SLC2A8: variants seen among roughly 807,000 people sequenced by gnomAD.
SLC2A8 encodes solute carrier family 2 member 8.
Under a neutral mutation model 49.2 loss-of-function variants are expected in SLC2A8, and 53 were observed. That is an observed-to-expected ratio of 1.08 (90% CI 0.86 to 1.35). The LOEUF (loss-of-function observed/expected upper bound fraction) is 1.35, where lower values mean the gene tolerates loss of function less well. SLC2A8 is among the 40% of genes most tolerant of loss of function. SLC2A8 has a pLI of 0.00. For synonymous variants in SLC2A8, 299 were observed against 297.0 expected, an observed-to-expected ratio of 1.01 and a Z score of -0.07; for missense variants, 688 against 671.7, an observed-to-expected ratio of 1.02 and a Z score of -0.27.
At position 127,399,914 on chromosome 9, in the gene SLC2A8, T is replaced by C. The variant is rs1833208686; in HGVS notation, c.434T>C (p.Ile145Thr). 1 of 1,613,242 alleles carries C rather than the reference T, an allele frequency of 6.2e-7. No individual in the cohort carries two copies. The highest frequency in any genetic ancestry group is 1.7e-5 in the Admixed American group (1 of 59,978). ...GVASLVAPVYISEIAYPAVRG... is the reference protein window; with the variant it reads ...GVASLVAPVYTSEIAYPAVRG... ...TCATCTGATTGCTGGCAGGTCTACA[T>C]CTCCGAAATCGCCTACCCAGCAGTC... Residue 145 changes from isoleucine (I) to threonine (T), a missense_variant, in exon 4 of 10, where the codon ATC becomes ACC. By Grantham distance (89) the Ile-to-Thr change is moderately conservative. Transcript: ENST00000373371. This position sits in a 1 kb window ranked among gnomAD's most constrained non-coding sequence, Gnocchi z 4.2.
In SLC2A8 at chr9:127,397,510, T is replaced by A. The variant is rs1473268749; in HGVS notation, c.191T>A (p.Leu64Gln). 7.0e-7 allele frequency: 1 copy of A among 1,436,310 alleles called. No homozygotes were observed. Among genetic ancestry groups the A allele is most frequent in the Non-Finnish European group, 9.0e-7 (1 of 1,106,032 alleles). The allele number at this position is 1,436,310 out of a possible 1,614,324, so 89.0% of individuals were successfully genotyped here. Residue 64 changes from leucine (L) to glutamine (Q), a missense_variant, in exon 2 of 10, where the codon CTG (leucine) becomes CAG (glutamine). Coordinates refer to ENST00000373371, the MANE Select transcript of SLC2A8 (RefSeq NM_014580.5). ...CGCGCCGCGCCCCCGGCCCCGCGCC[T>A]GGACGACGCCGCCGCCTCCTGGTTC... ...LQRAAPPAPR[L>Q]DDAAASWFGA... is the part of the protein sequence containing the mutation.
Position 127,404,600 on chromosome 9 carries a change from G to T in SLC2A8, c.977-218G>T, listed in dbSNP as rs767086442. On this transcript the variant is annotated intron_variant, in intron 7 of 9. Transcript: ENST00000373371. ...CTGTGCCGGTACCTCCCATTTCCTC[G>T]GCCCAGAGGGTCTGCTCCGGGAACT... 4 of 539,736 alleles carry T rather than the reference G, an allele frequency of 7.4e-6. No homozygotes were observed. The East Asian group carries it at 1.2e-4, about 17-fold the overall frequency. 33.4% of individuals were successfully genotyped at this position (539,736 alleles called of 1,614,324 possible). A position where few individuals can be genotyped will look rare whatever the true frequency, so the allele number is the denominator to read the frequency against.
intron 2 of SLC2A8, 44 bp from the exon 3 acceptor site, chr9:127,397,861 G>T: frequency 7.0e-7 from 1 of 1,436,860 alleles, no homozygotes; most frequent in Non-Finnish European, 9.1e-7. Context: ...GGGAGGATGG[G>T]CTGCGGCTTC....
At position 127,405,519 on chromosome 9, in the gene SLC2A8, A is replaced by G. The variant is rs761187070; in HGVS notation, c.1250A>G (p.Asn417Ser). 6 of 1,613,112 alleles carry G rather than the reference A, an allele frequency of 3.7e-6. No homozygotes were observed. Among genetic ancestry groups the G allele is most frequent in the African/African-American group, 2.7e-5 (2 of 74,942 alleles). ...GVATGICVLT[N>S]WLMAFLVTKE... ...GCGACAGGCATCTGCGTCCTCACCA[A>G]CTGGCTCATGGCCTTTCTCGTGACC... The change falls in exon 9 of 10, where the codon AAC (asparagine) becomes AGC (serine). Residue 417 changes from asparagine to serine, a missense_variant. Transcript: ENST00000373371.
intron 4 of SLC2A8, among the ~76,000 whole-genome samples, 160 bp downstream of exon 4, chr9:127,400,166 C>CTTTTTTTTTTTTT (rs796202714): frequency 0.011 from 1,227 of 116,648 alleles, 104 homozygotes; most frequent in African/African-American, 0.037. Flanking sequence ...ATAGGTGAGT[C>CTTTTTTTTTTTTT]TTTTTTTTTT....
chr9:127,402,843 G>A, intron 5 of SLC2A8, 90 bp downstream of exon 5: 1 of 1,388,220 alleles, frequency 7.2e-7, no homozygotes, highest in Non-Finnish European at 9.5e-7. Context: ...CACTTGGGGG[G>A]TGGGGGACAG....
intron 7 of SLC2A8, chr9:127,404,500 C>T (rs536232275): frequency 1.3e-5 from 5 of 375,948 alleles, no homozygotes; most frequent in South Asian, 1.3e-4. Flanking sequence ...GCAAGAGCTG[C>T]GGCCCACGGA....
At position 127,404,102 on chromosome 9, in the gene SLC2A8, GC is replaced by G. The variant is rs769166111; in HGVS notation, c.976+36del. Reference sequence around the variant, plus strand: ...CACCCCTGTGCAGCCTCCCCGCCATGCGGGGGAGGGCCTTCGCCAAGGCCAC... The same window carrying G: ...CACCCCTGTGCAGCCTCCCCGCCATGGGGGGAGGGCCTTCGCCAAGGCCAC... On this transcript the variant is annotated intron_variant, in intron 7 of 9. Transcript: ENST00000373371. 361 of 1,501,238 alleles carry G rather than the reference GC, an allele frequency of 2.4e-4. 1 individual carries two copies. The African/African-American group carries it at 4.3e-3, about 18-fold the overall frequency. 93.0% of individuals were successfully genotyped at this position (1,501,238 alleles called of 1,614,324 possible).
chr9:127,403,683 G>A lies in SLC2A8; in HGVS notation c.747G>A (p.Arg249=), dbSNP rs371316926. 7.8e-5 allele frequency: 125 copies of A among 1,612,874 alleles called. No homozygotes were observed. The highest frequency in any genetic ancestry group is 9.9e-5 in the Non-Finnish European group (117 of 1,179,948). The part of the protein sequence containing the change: ...AEQSFHLALL[R]QPGIYKPFII... ...AGAGCTTTCACCTGGCCCTGCTGCGGCAGCCCGGCATCTACAAGCCCTTCA... is the reference window on the plus strand; with the variant it reads ...AGAGCTTTCACCTGGCCCTGCTGCGACAGCCCGGCATCTACAAGCCCTTCA... Residue 249 remains arginine (R), a synonymous_variant, in exon 6 of 10, where the codon CGG becomes CGA. Transcript: ENST00000373371.
chr9:127,399,415 G>C lies in SLC2A8; in HGVS notation c.427-492G>C, dbSNP rs2131880188. 6.6e-6 allele frequency among the ~76,000 whole-genome samples: 1 copy of C among 152,226 alleles called. No homozygotes were observed. Among genetic ancestry groups the C allele is most frequent in the South Asian group, 2.1e-4 (1 of 4,822 alleles). On this transcript the variant is annotated intron_variant, in intron 3 of 9. Coordinates refer to ENST00000373371, the MANE Select transcript of SLC2A8 (RefSeq NM_014580.5). This position sits in a 1 kb window ranked among gnomAD's most constrained non-coding sequence, Gnocchi z 4.2. Reference sequence around the variant, plus strand: ...AAACACCTGCCACAGATCTTTCAGTGGTGGGGACCTGGGGATGGCTCTGCT... The same window carrying C: ...AAACACCTGCCACAGATCTTTCAGTCGTGGGGACCTGGGGATGGCTCTGCT...
chr9:127,404,949 C>T lies in SLC2A8; in HGVS notation c.1108C>T (p.Leu370=). The T allele has an allele frequency of 1.9e-6, 3 of 1,610,470 alleles. No homozygotes were observed. The highest frequency in any genetic ancestry group is 2.5e-6 in the Non-Finnish European group (3 of 1,179,196). Residue 370 remains leucine, a synonymous_variant, in exon 8 of 10, where the codon CTG becomes TTG. Coordinates refer to ENST00000373371, the MANE Select transcript of SLC2A8 (RefSeq NM_014580.5). ...SAQPVDASVG[L]AWLAVGSMCL... is the part of the protein sequence containing the mutation. Reference sequence around the variant, plus strand: ...ACAGCCTGTTGATGCCAGCGTGGGGCTGGCCTGGCTGGCCGTGGGCAGCAT... The same window carrying T: ...ACAGCCTGTTGATGCCAGCGTGGGGTTGGCCTGGCTGGCCGTGGGCAGCAT...
chr9:127,404,088 A>G (rs1243444975), intron 7 of SLC2A8, 21 bp downstream of exon 7: 3 of 1,517,200 alleles, frequency 2.0e-6, no homozygotes, highest in Admixed American at 2.0e-5. Flanking sequence ...ACCCCTGTGC[A>G]GCCTCCCCGC....
intron 4 of SLC2A8, among the ~76,000 whole-genome samples, chr9:127,401,392 G>A (rs929353530): frequency 6.6e-6 from 1 of 152,230 alleles, no homozygotes; most frequent in Non-Finnish European, 1.5e-5. Flanking sequence ...CCTGGCCCAG[G>A]GCACAAGCCC....
rs1330808263 is a variant in SLC2A8 at position 127,403,950 on chromosome 9, C to CT, written c.868-8dup. 1 of 1,610,788 alleles carries CT rather than the reference C, an allele frequency of 6.2e-7. No individual in the cohort carries two copies. The highest frequency in any genetic ancestry group is 8.5e-7 in the Non-Finnish European group (1 of 1,178,294). On this transcript the variant is annotated splice_polypyrimidine_tract_variant and intron_variant, in intron 6 of 9. Transcript: ENST00000373371. ...CCCACCTGACCTGCCTGGGCTCTGT[C>CT]TCCCCCAGGACAGCAGCCTGGCCTC...
intron 5 of SLC2A8, 87 bp from the exon 6 acceptor site, chr9:127,403,573 C>T (rs1833373554): frequency 6.5e-7 from 1 of 1,546,738 alleles, no homozygotes; most frequent in Admixed American, 1.7e-5. Context: ...TCAGCGCTCC[C>T]CAAGCCTTAG....
At chr9:127,404,417 G>A in intron 7 of SLC2A8, 1 of 326,908 alleles carries the variant, frequency 3.1e-6, no homozygotes, top group Non-Finnish European at 5.7e-6. Flanking sequence ...CCCCCTCTGG[G>A]AAGTGGGGGT....
In SLC2A8 at chr9:127,397,485, C is replaced by T; in HGVS notation, c.166C>T (p.Arg56Cys). ...CTCCCCGGCCATCCCTAGCCTGCAG[C>T]GCGCCGCGCCCCCGGCCCCGCGCCT... ...YSSPAIPSLQ[R>C]AAPPAPRLDD... Residue 56 changes from arginine to cysteine, a missense_variant, in exon 2 of 10, where the codon CGC becomes TGC. Physicochemically the swap from Arg to Cys is radical, Grantham distance 180. Coordinates refer to ENST00000373371, the MANE Select transcript of SLC2A8 (RefSeq NM_014580.5). 3 of 1,466,438 alleles carry T rather than the reference C, an allele frequency of 2.0e-6. No homozygotes were observed. The highest frequency in any genetic ancestry group is 2.7e-6 in the Non-Finnish European group (3 of 1,118,530). 90.8% of individuals were successfully genotyped at this position (1,466,438 alleles called of 1,614,324 possible).
At chr9:127,397,843 G>T in intron 2 of SLC2A8, 62 bp from the exon 3 acceptor site, 1 of 1,400,772 alleles carries the variant, frequency 7.1e-7, no homozygotes, top group South Asian at 1.5e-5. Context: ...GCGGGGAGTG[G>T]GTGGAGGGGG....
At chr9:127,401,191 C>A (rs1833274800) in intron 4 of SLC2A8, among the ~76,000 whole-genome samples, 1 of 152,216 alleles carries the variant, frequency 6.6e-6, no homozygotes, top group Admixed American at 6.5e-5. Context: ...CCAAGTCATA[C>A]CACCTCTGAA....
Sources: allele counts gnomAD v4.1 joint callset (sites outside exome capture counted in the v4.1 genomes callset), GRCh38; gene constraint gnomAD v4.1.1; non-coding constraint Gnocchi (gnomAD v3.1); transcripts MANE v1.5; gene names NCBI Gene and HGNC (gene_info 2026-07-23, HGNC 2026-07-21).